SLC8A1: variants seen among roughly 807,000 people sequenced by gnomAD.
SLC8A1 encodes sodium/calcium exchanger 1.
Under a neutral mutation model 68.3 loss-of-function variants are expected in SLC8A1, and 18 were observed. The ratio of observed to expected loss-of-function variants is 0.26; its 90% CI spans 0.18 to 0.39. SLC8A1 has a LOEUF of 0.39. Among genes scored for constraint, SLC8A1 ranks in the 10% least tolerant of loss-of-function variants. The pLI is 1.00. For synonymous variants in SLC8A1, 475 were observed against 415.5 expected, an observed-to-expected ratio of 1.14 and a Z score of -1.74; for missense variants, 985 against 1,156.7, an observed-to-expected ratio of 0.85 and a Z score of 2.15.
intron 2 of SLC8A1, among the ~76,000 whole-genome samples, chr2:40,320,637 C>G (rs936888315): frequency 7.2e-5 from 11 of 152,094 alleles, no homozygotes; most frequent in African/African-American, 2.4e-4. Context: ...TGATGCGTGT[C>G]TCACTGTTAA....
intron 7 of SLC8A1, among the ~76,000 whole-genome samples, chr2:40,130,220 C>T (rs549859155): frequency 2.6e-5 from 4 of 152,360 alleles, no homozygotes; most frequent in Non-Finnish European, 4.4e-5. Flanking sequence ...GGGTCGGCTG[C>T]ATGCGGCCTA....
At chr2:40,323,186 C>A (rs1408557088) in intron 2 of SLC8A1, among the ~76,000 whole-genome samples, 1 of 152,062 alleles carries the variant, frequency 6.6e-6, no homozygotes, top group Non-Finnish European at 1.5e-5. Flanking sequence ...AGAAAAATTA[C>A]AAGATTGATA....
At chr2:40,340,034 G>C (rs1389911598) in intron 2 of SLC8A1, among the ~76,000 whole-genome samples, 2 of 152,134 alleles carry the variant, frequency 1.3e-5, no homozygotes, top group Admixed American at 1.3e-4. Flanking sequence ...ATATGAGGCA[G>C]AATACAAATG....
chr2:40,287,048 T>C (rs1468763455), intron 2 of SLC8A1, among the ~76,000 whole-genome samples: 1 of 152,170 alleles, frequency 6.6e-6, no homozygotes, highest in Non-Finnish European at 1.5e-5. Flanking sequence ...ACAGGTCACC[T>C]ACCTCCCATG....
At chr2:40,223,995 A>C (rs184831569) in intron 2 of SLC8A1, among the ~76,000 whole-genome samples, 151 of 152,240 alleles carry the variant, frequency 9.9e-4, no homozygotes, top group Admixed American at 2.2e-3. Context: ...CCCTAAAATG[A>C]CATAAGTAGC....
intron 2 of SLC8A1, among the ~76,000 whole-genome samples, chr2:40,300,937 G>T (rs2071340070): frequency 1.3e-5 from 2 of 152,108 alleles, no homozygotes. Flanking sequence ...TTGATATTTA[G>T]TAATAATCTA....
In SLC8A1 at chr2:40,142,965, T is replaced by TGA. The variant is rs1297482573; in HGVS notation, c.2162-3291_2162-3290dup. ...GTGTGAGTGTGTGTGTGTGTGTGTG[T>TGA]GAGAGCGAGAGAGAGAGAGAGAACG... On this transcript the variant is annotated intron_variant, in intron 6 of 7. Transcript: ENST00000406785. Among the ~76,000 whole-genome samples, 14 of 151,672 alleles carry TGA rather than the reference T, an allele frequency of 9.2e-5. No individual in the cohort carries two copies. In the East Asian group the frequency reaches 1.4e-3, roughly 15 times the overall value.
chr2:40,369,626 T>C (rs997718489), intron 2 of SLC8A1, among the ~76,000 whole-genome samples: 1 of 152,106 alleles, frequency 6.6e-6, no homozygotes, highest in African/African-American at 2.4e-5. Context: ...GTCCTGTCCA[T>C]CTATGTCTAT....
intron 2 of SLC8A1, among the ~76,000 whole-genome samples, chr2:40,284,220 A>T (rs2067925504): frequency 6.6e-6 from 1 of 151,390 alleles, no homozygotes; most frequent in South Asian, 2.1e-4. Context: ...TAAGTTGTTT[A>T]TATCTATATG....
rs538813559 is a variant in SLC8A1 at position 40,410,856 on chromosome 2, C to T, written c.1808+17617G>A. Among the ~76,000 whole-genome samples, 20 of 151,980 alleles carry T rather than the reference C, an allele frequency of 1.3e-4. No homozygotes were observed. In the South Asian group the frequency reaches 4.1e-3, roughly 32 times the overall value. The stretch of plus-strand genomic sequence containing the variant: ...ATAGCACTTTGAGAATTATTTTTGC[C>T]ATTTATCAGAAAAGAAAACTAAGTT... On this transcript the variant is annotated intron_variant, in intron 2 of 7. Coordinates refer to ENST00000406785, the Ensembl canonical transcript of SLC8A1.
chr2:40,144,568 C>T (rs1337638784), intron 6 of SLC8A1, among the ~76,000 whole-genome samples: 1 of 151,218 alleles, frequency 6.6e-6, no homozygotes, highest in African/African-American at 2.4e-5. Context: ...TACAGTGGTA[C>T]CTTTTTTTTT....
At chr2:40,413,797 A>C (rs771657581) in intron 2 of SLC8A1, among the ~76,000 whole-genome samples, 8 of 152,208 alleles carry the variant, frequency 5.3e-5, no homozygotes, top group African/African-American at 1.9e-4. Flanking sequence ...GCAAATTTTT[A>C]TATTTACTAA....
At chr2:40,377,456 C>T (rs1367025095) in intron 2 of SLC8A1, among the ~76,000 whole-genome samples, 1 of 152,022 alleles carries the variant, frequency 6.6e-6, no homozygotes, top group South Asian at 2.1e-4. Context: ...TTTTAAGCCA[C>T]TATATTTCTG....
intron 2 of SLC8A1, among the ~76,000 whole-genome samples, chr2:40,395,157 G>C (rs539613972): frequency 2.6e-5 from 4 of 152,210 alleles, no homozygotes; most frequent in African/African-American, 9.6e-5. Context: ...AACAACAAAA[G>C]CAACAACTAA....
intron 2 of SLC8A1, among the ~76,000 whole-genome samples, chr2:40,188,317 C>T (rs556079783): frequency 2.6e-5 from 4 of 152,222 alleles, no homozygotes; most frequent in Admixed American, 1.3e-4. Flanking sequence ...TTTAAGGTAA[C>T]GTTTAAAATG....
At chr2:40,236,986 G>T (rs2060479183) in intron 2 of SLC8A1, among the ~76,000 whole-genome samples, 1 of 151,962 alleles carries the variant, frequency 6.6e-6, no homozygotes, top group African/African-American at 2.4e-5. Context: ...AGTCTGATGG[G>T]CTTCCCTTTG....
At chr2:40,492,157 T>A (rs1386008220) in intron 1 of SLC8A1, among the ~76,000 whole-genome samples, 2 of 151,980 alleles carry the variant, frequency 1.3e-5, no homozygotes, top group Admixed American at 1.3e-4. Context: ...TATAGATCAA[T>A]GGAACAGAAC....
chr2:40,171,034 C>T (rs2047402024), intron 4 of SLC8A1, among the ~76,000 whole-genome samples: 1 of 152,156 alleles, frequency 6.6e-6, no homozygotes, highest in African/African-American at 2.4e-5. Context: ...CAGCTGACTT[C>T]CAGATTCACT....
At chr2:40,249,410 A>T (rs1030247742) in intron 2 of SLC8A1, among the ~76,000 whole-genome samples, 61 of 152,214 alleles carry the variant, frequency 4.0e-4, no homozygotes, top group African/African-American at 1.4e-3. Context: ...TTACATCAGC[A>T]TTTTTCAAAA....
Sources: allele counts gnomAD v4.1 joint callset (sites outside exome capture counted in the v4.1 genomes callset), GRCh38; gene constraint gnomAD v4.1.1; transcripts MANE v1.5; gene names NCBI Gene and HGNC (gene_info 2026-07-23, HGNC 2026-07-21).